Variants in EPB41L5 observed in about 807,000 individuals in gnomAD.
EPB41L5 encodes erythrocyte membrane protein band 4.1 like 5, also known as band 4.1-like protein 5.
EPB41L5 carries 55 observed loss-of-function variants against 106.6 expected under a neutral mutation model. The ratio of observed to expected loss-of-function variants is 0.52; its 90% CI spans 0.42 to 0.65. The LOEUF is 0.65. Among genes scored for constraint, EPB41L5 ranks in the 30% least tolerant of loss-of-function variants. EPB41L5 has a pLI of 0.00. For missense variants in EPB41L5, 871 were observed against 882.1 expected (o/e 0.99, Z 0.16); for synonymous variants, 297 against 306.7 (o/e 0.97, Z 0.33).
intron 14 of EPB41L5, among the ~76,000 whole-genome samples, chr2:120,097,539 A>T (rs1683838844): frequency 6.6e-6 from 1 of 152,220 alleles, no homozygotes. Flanking sequence ...TATTCTTGTG[A>T]GTCATGAATA....
chr2:120,077,717 A>G (rs1034952958), intron 9 of EPB41L5, among the ~76,000 whole-genome samples: 1 of 152,108 alleles, frequency 6.6e-6, no homozygotes, highest in Admixed American at 6.6e-5. Context: ...AAAGACTTTG[A>G]TAAACTTTAG....
rs540825022 is a variant in EPB41L5, at chr2:120,158,997, A to G, written c.1794-1884A>G. 5.9e-5 allele frequency among the ~76,000 whole-genome samples: 9 copies of G among 152,292 alleles called. 1 individual carries two copies. The South Asian group carries it at 1.9e-3, about 32-fold the overall frequency. ...ACGCAGTCCTATTCACAATTGCCAT[A>G]AAAAGAATAAAATACCTAGGATTTT... On this transcript the variant is annotated intron_variant, in intron 20 of 24. Coordinates refer to ENST00000263713, the MANE Select transcript of EPB41L5 (RefSeq NM_020909.4).
intron 3 of EPB41L5, among the ~76,000 whole-genome samples, chr2:120,072,929 TA>T (rs11397278): frequency 1.8e-4 from 27 of 147,506 alleles, no homozygotes; most frequent in African/African-American, 3.5e-4. Flanking sequence ...TTAAAGTATT[TA>T]AAAAAAAAAA....
At chr2:120,080,119 T>A (rs549801987) in intron 10 of EPB41L5, among the ~76,000 whole-genome samples, 52 of 152,164 alleles carry the variant, frequency 3.4e-4, no homozygotes, top group South Asian at 2.1e-3. Context: ...TTTTTTTTTT[T>A]TTATTATACT....
At chr2:120,123,646 C>CTTTTTTTTTT (rs869296989) in intron 16 of EPB41L5, among the ~76,000 whole-genome samples, 1 of 68,304 alleles carries the variant, frequency 1.5e-5, no homozygotes, top group Non-Finnish European at 2.8e-5. Flanking sequence ...GTGTTCGTCC[C>CTTTTTTTTTT]TTTTTTTTTT....
chr2:120,124,216 C>G (rs1409507477), intron 16 of EPB41L5, among the ~76,000 whole-genome samples: 1 of 152,126 alleles, frequency 6.6e-6, no homozygotes, highest in Non-Finnish European at 1.5e-5. Context: ...TTCTTCACTC[C>G]CCTCATTTCT....
At chr2:120,091,702 C>A in intron 13 of EPB41L5, 41 bp downstream of exon 13, 1 of 1,483,194 alleles carries the variant, frequency 6.7e-7, no homozygotes, top group Non-Finnish European at 9.3e-7. Flanking sequence ...TTTTCCTTGG[C>A]AATTAATTAT....
intron 14 of EPB41L5, among the ~76,000 whole-genome samples, chr2:120,098,265 A>G (rs1574660901): frequency 1.3e-5 from 2 of 151,508 alleles, no homozygotes; most frequent in African/African-American, 4.8e-5. Flanking sequence ...GCTGCAATGC[A>G]GTGGCATCAT....
intron 2 of EPB41L5, 36 bp downstream of exon 2, chr2:120,019,300 C>CA: frequency 1.9e-6 from 3 of 1,565,024 alleles, no homozygotes; most frequent in Non-Finnish European, 1.7e-6. Context: ...ATTCTGTTTG[C>CA]GATTACTGTC....
At chr2:120,033,708 CAAAAAAAAA>C (rs3084761) in intron 2 of EPB41L5, among the ~76,000 whole-genome samples, 21 of 97,360 alleles carry the variant, frequency 2.2e-4, no homozygotes, top group South Asian at 2.1e-3. Context: ...AACTCCATCT[CAAAAAAAAA>C]AAAAAAAAAA....
intron 16 of EPB41L5, among the ~76,000 whole-genome samples, chr2:120,121,827 C>T (rs564898798): frequency 3.8e-4 from 58 of 152,338 alleles, no homozygotes; most frequent in African/African-American, 1.3e-3. Context: ...TCTCCACATC[C>T]TCTCCAGCAT....
At chr2:120,013,844 A>G (rs1209648853) in intron 1 of EPB41L5, among the ~76,000 whole-genome samples, 3 of 152,186 alleles carry the variant, frequency 2.0e-5, no homozygotes, top group Non-Finnish European at 2.9e-5. Flanking sequence ...GTTTGGCAAT[A>G]TTTTAGACTA....
chr2:120,038,018 G>C (rs1679152579), intron 2 of EPB41L5, among the ~76,000 whole-genome samples: 1 of 152,200 alleles, frequency 6.6e-6, no homozygotes, highest in South Asian at 2.1e-4. Context: ...AGCACAGGCA[G>C]CACAACAAAT....
chr2:120,159,423 C>CAAA (rs36001495), intron 20 of EPB41L5, among the ~76,000 whole-genome samples: 2 of 95,220 alleles, frequency 2.1e-5, no homozygotes, highest in South Asian at 3.6e-4. Flanking sequence ...GACTCCATCT[C>CAAA]AAAAAAAAAA....
At chr2:120,105,379 A>G in intron 16 of EPB41L5, 1 of 979,354 alleles carries the variant, frequency 1.0e-6, no homozygotes, top group Non-Finnish European at 1.2e-6. Context: ...ATGAAGCTTC[A>G]TTATAAACAG....
intron 5 of EPB41L5, 46 bp from the exon 6 acceptor site, chr2:120,075,430 G>A: frequency 7.2e-7 from 1 of 1,389,010 alleles, no homozygotes; most frequent in Non-Finnish European, 1.0e-6. Flanking sequence ...TTTTTTCACA[G>A]TCGATTGTGC....
intron 18 of EPB41L5, among the ~76,000 whole-genome samples, chr2:120,134,182 A>G (rs1685823720): frequency 6.6e-6 from 1 of 151,802 alleles, no homozygotes; most frequent in South Asian, 2.1e-4. Context: ...TGTGGTGGCC[A>G]TGGGGAGAGA....
intron 17 of EPB41L5, among the ~76,000 whole-genome samples, chr2:120,130,722 T>C (rs897240559): frequency 6.6e-6 from 1 of 152,234 alleles, no homozygotes; most frequent in Non-Finnish European, 1.5e-5. Flanking sequence ...ATAATTATTC[T>C]TGGGTGAGCC....
chr2:120,068,635 A>T (rs976324302), intron 3 of EPB41L5, among the ~76,000 whole-genome samples: 10 of 152,208 alleles, frequency 6.6e-5, no homozygotes, highest in Non-Finnish European at 1.3e-4. Flanking sequence ...ACAGGATCAA[A>T]TTCACACATA....
Sources: allele counts gnomAD v4.1 joint callset (sites outside exome capture counted in the v4.1 genomes callset), GRCh38; gene constraint gnomAD v4.1.1; transcripts MANE v1.5; gene names NCBI Gene and HGNC (gene_info 2026-07-23, HGNC 2026-07-21).